Variants in PTPRU observed in about 807,000 individuals in gnomAD.
The protein encoded by PTPRU is protein tyrosine phosphatase receptor type U.
A neutral mutation model predicts 166.3 loss-of-function variants in PTPRU; 69 were observed. That is an observed-to-expected ratio of 0.41 (90% CI 0.34 to 0.51). PTPRU has a LOEUF of 0.51. Among genes scored for constraint, PTPRU ranks in the 20% least tolerant of loss-of-function variants. The probability of loss-of-function intolerance (pLI) is 0.09; values close to 1 mark genes in which losing one functional copy is unlikely to be tolerated. For synonymous variants in PTPRU, 793 were observed against 814.0 expected (o/e 0.97, Z 0.44); for missense variants, 1,657 against 2,013.7 (o/e 0.82, Z 3.39).
At chr1:29,292,087 A>G in intron 15 of PTPRU, 61 bp downstream of exon 15, 10 of 1,589,720 alleles carry the variant, frequency 6.3e-6, no homozygotes, top group Non-Finnish European at 7.7e-6. Flanking sequence ...CTGAGACAAT[A>G]GGGTCCCCAC....
Position 29,259,465 on chromosome 1 carries a change from C to G in PTPRU, c.576C>G (p.Phe192Leu). 6.2e-7 allele frequency: 1 copy of G among 1,611,944 alleles called. No individual in the cohort carries two copies. Among genetic ancestry groups the G allele is most frequent in the South Asian group, 1.1e-5 (1 of 90,916 alleles). ...LSYPCAKAPH[F>L]SRLGDVEVNA... ...ACCCCGCAGCAAAGGCCCCACACTT[C>G]TCCCGCCTGGGCGACGTGGAGGTCA... Residue 192 changes from phenylalanine (F) to leucine (L), a missense_variant, in exon 5 of 30, where the codon TTC becomes TTG. Phe to Leu is a conservative substitution (Grantham distance 22). This residue lies in a region of PTPRU where 453 missense variants were observed against 496.9 expected (regional missense o/e 0.91). Transcript: ENST00000373779.
chr1:29,303,072 C>T (rs1687210051), intron 15 of PTPRU, among the ~76,000 whole-genome samples: 1 of 152,160 alleles, frequency 6.6e-6, no homozygotes, highest in Non-Finnish European at 1.5e-5. Flanking sequence ...CCTAACAATG[C>T]ATTTTTCGGA....
chr1:29,240,296 C>T (rs1683984750), intron 1 of PTPRU, among the ~76,000 whole-genome samples: 1 of 152,186 alleles, frequency 6.6e-6, no homozygotes. Flanking sequence ...TTTATTAGTG[C>T]TGTCTCCCTT....
At chr1:29,268,173 G>A (rs1338750854) in intron 7 of PTPRU, among the ~76,000 whole-genome samples, 1 of 152,200 alleles carries the variant, frequency 6.6e-6, no homozygotes, top group Non-Finnish European at 1.5e-5. Context: ...TTCAAGTGGA[G>A]ATATTCATCA....
At chr1:29,303,765 C>T (rs1035351844) in intron 15 of PTPRU, 90 bp from the exon 16 acceptor site, 5 of 1,342,872 alleles carry the variant, frequency 3.7e-6, no homozygotes, top group Admixed American at 2.2e-5. Flanking sequence ...ATTGGCTGTG[C>T]CTCCCCACCC....
At chr1:29,309,547 A>C (rs935329189) in intron 18 of PTPRU, among the ~76,000 whole-genome samples, 3 of 152,192 alleles carry the variant, frequency 2.0e-5, no homozygotes, top group Non-Finnish European at 4.4e-5. Context: ...TTAAAATAGT[A>C]GTAGTAATAA....
At chr1:29,316,347 C>T (rs918899560) in intron 24 of PTPRU, among the ~76,000 whole-genome samples, 196 bp downstream of exon 24, 4 of 152,080 alleles carry the variant, frequency 2.6e-5, no homozygotes, top group Admixed American at 2.6e-4. Context: ...AGTTAAGAGC[C>T]CAGGCTTTGA....
intron 7 of PTPRU, among the ~76,000 whole-genome samples, chr1:29,265,936 T>G (rs1685278880): frequency 6.6e-6 from 1 of 152,050 alleles, no homozygotes; most frequent in South Asian, 2.1e-4. Context: ...AAATTTCCCT[T>G]TTATGAATTG....
At chr1:29,251,124 G>C (rs1046624106) in intron 1 of PTPRU, among the ~76,000 whole-genome samples, 3 of 152,166 alleles carry the variant, frequency 2.0e-5, no homozygotes, top group Admixed American at 2.0e-4. Flanking sequence ...ATGGTGGCAC[G>C]TGCCTATAAT....
At position 29,257,545 on chromosome 1, in the gene PTPRU, T is replaced by C. The variant is rs1310428913; in HGVS notation, c.206-960T>C. On this transcript the variant is annotated intron_variant, in intron 2 of 29. Transcript: ENST00000373779. The surrounding 1 kb of genome is among the most constrained non-coding windows in gnomAD (Gnocchi z 4.6). ...CTGAGCCAGCCTAGTCCACTTCTAC[T>C]CCACCAGTACCCAGCCTGGGTCTCT... Among the ~76,000 whole-genome samples, 1 of 152,148 alleles carries C rather than the reference T, an allele frequency of 6.6e-6. No individual in the cohort carries two copies. Among genetic ancestry groups the C allele is most frequent in the Non-Finnish European group, 1.5e-5 (1 of 68,012 alleles).
At chr1:29,309,279 C>T (rs1215364504) in intron 18 of PTPRU, among the ~76,000 whole-genome samples, 1 of 152,076 alleles carries the variant, frequency 6.6e-6, no homozygotes, top group African/African-American at 2.4e-5. Context: ...CGGGCCCCAC[C>T]CCAGACCTTT....
chr1:29,240,202 G>A (rs72884551), intron 1 of PTPRU, among the ~76,000 whole-genome samples: 1,699 of 152,186 alleles, frequency 0.011, 44 homozygotes, highest in African/African-American at 0.039. Flanking sequence ...AGCCTTCCTC[G>A]GTGATGCCCT....
At position 29,291,012 on chromosome 1, in the gene PTPRU, A is replaced by AGGCT. The variant is rs1225340941; in HGVS notation, c.2319-847_2319-844dup. On this transcript the variant is annotated intron_variant, in intron 14 of 29. Coordinates refer to ENST00000373779, the MANE Select transcript of PTPRU (RefSeq NM_133178.4). The surrounding 1 kb of genome is among the most constrained non-coding windows in gnomAD (Gnocchi z 4.1). ...TCCTCTCTGGGCTCCATGTTCAGCC[A>AGGCT]GGCTGGCTGGCTGTCCTCTGTCCAT... Among the ~76,000 whole-genome samples the AGGCT allele has an allele frequency of 1.3e-5, 2 of 152,156 alleles. No individual in the cohort carries two copies. Among genetic ancestry groups the AGGCT allele is most frequent in the African/African-American group, 4.8e-5 (2 of 41,436 alleles).
chr1:29,260,092 CG>C lies in PTPRU; in HGVS notation c.850+52del. The C allele has an allele frequency of 1.1e-6, 1 of 915,336 alleles. No individual in the cohort carries two copies. The highest frequency in any genetic ancestry group is 3.0e-5 in the South Asian group (1 of 32,862). 56.7% of individuals were successfully genotyped at this position (915,336 alleles called of 1,614,324 possible). On this transcript the variant is annotated intron_variant, in intron 6 of 29. Transcript: ENST00000373779. The surrounding 1 kb of genome is among the most constrained non-coding windows in gnomAD (Gnocchi z 8.3). ...GCGCCGGGACCTCACCCTCGAGGGGCGGGGCCGGCGACGGGGGCGGGCTCTG... is the reference window on the plus strand; with the variant it reads ...GCGCCGGGACCTCACCCTCGAGGGGCGGGCCGGCGACGGGGGCGGGCTCTG...
intron 1 of PTPRU, among the ~76,000 whole-genome samples, chr1:29,240,434 G>C (rs1297252869): frequency 6.6e-6 from 1 of 152,124 alleles, no homozygotes; most frequent in East Asian, 1.9e-4. Context: ...GTTTAAGGGG[G>C]CCAGGTTCAG....
chr1:29,268,546 A>C (rs960071274), intron 7 of PTPRU, among the ~76,000 whole-genome samples: 4 of 152,230 alleles, frequency 2.6e-5, no homozygotes, highest in African/African-American at 9.6e-5. Context: ...CAGTCCTTAG[A>C]TTTTTAGGGA....
intron 1 of PTPRU, among the ~76,000 whole-genome samples, chr1:29,249,781 A>G (rs918593927): frequency 1.3e-5 from 2 of 152,040 alleles, no homozygotes; most frequent in African/African-American, 4.8e-5. Context: ...CTCTCTGGAG[A>G]CACCACCTGC....
At chr1:29,252,649 C>T (rs1007841776) in intron 1 of PTPRU, among the ~76,000 whole-genome samples, 13 of 152,182 alleles carry the variant, frequency 8.5e-5, no homozygotes, top group African/African-American at 3.1e-4. Context: ...ACAGTAGAGC[C>T]TCCTAAAAGT....
chr1:29,270,626 C>A (rs1353805465), intron 7 of PTPRU, among the ~76,000 whole-genome samples: 1 of 152,118 alleles, frequency 6.6e-6, no homozygotes, highest in Non-Finnish European at 1.5e-5. Flanking sequence ...AGTGGAGGAA[C>A]CTGACATCAA....
Sources: allele counts gnomAD v4.1 joint callset (sites outside exome capture counted in the v4.1 genomes callset), GRCh38; gene constraint gnomAD v4.1.1; regional missense constraint gnomAD v4.1.1; non-coding constraint Gnocchi (gnomAD v3.1); transcripts MANE v1.5; gene names NCBI Gene and HGNC (gene_info 2026-07-23, HGNC 2026-07-21).